The following FAM171A2 variants were observed in gnomAD, a reference collection of about 807,000 sequenced individuals.
FAM171A2 encodes the protein protein FAM171A2.
Under a neutral mutation model 34.2 loss-of-function variants are expected in FAM171A2, and 13 were observed. The ratio of observed to expected loss-of-function variants is 0.38; its 90% CI spans 0.25 to 0.60. FAM171A2 has a LOEUF of 0.60. FAM171A2 is among the 20% of genes least tolerant of loss of function. The probability of loss-of-function intolerance (pLI) is 0.62; values close to 1 mark genes in which losing one functional copy is unlikely to be tolerated. For synonymous variants in FAM171A2, 475 were observed against 561.2 expected (o/e 0.85, Z 2.17); for missense variants, 950 against 1,180.7 (o/e 0.80, Z 2.86).
Position 44,353,638 on chromosome 17 carries a change from T to C in FAM171A2, c.*95A>G. The C allele has an allele frequency of 4.1e-6, 4 of 985,190 alleles. No individual in the cohort carries two copies. The highest frequency in any genetic ancestry group is 4.0e-5 in the East Asian group (1 of 24,756). 61.0% of individuals were successfully genotyped at this position (985,190 alleles called of 1,614,324 possible). ...CCTGGGCCCCTCTCCGGCCTGGGGC[T>C]GGGAGCTACGCGCGAGGGCCCCCGC... On this transcript the variant is annotated 3_prime_UTR_variant, in exon 8 of 8. Transcript: ENST00000293443.
At position 44,354,163 on chromosome 17, in the gene FAM171A2, G is replaced by A; in HGVS notation, c.2051C>T (p.Ala684Val). 5 of 1,277,258 alleles carry A rather than the reference G, an allele frequency of 3.9e-6. No homozygotes were observed. Among genetic ancestry groups the A allele is most frequent in the Non-Finnish European group, 5.0e-6 (5 of 1,005,138 alleles). 79.1% of individuals were successfully genotyped at this position (1,277,258 alleles called of 1,614,324 possible). The change falls in exon 8 of 8, where the codon GCC (alanine) becomes GTC (valine). Residue 684 changes from alanine (A) to valine (V), a missense_variant. By Grantham distance (64) the Ala-to-Val change is moderately conservative. This residue lies in a region of FAM171A2 where 191 missense variants were observed against 222.8 expected (regional missense o/e 0.86). Transcript: ENST00000293443. This position sits in a 1 kb window ranked among gnomAD's most constrained non-coding sequence, Gnocchi z 5.8. ...GACATCTACGCCCGAGTCCAGGCTGGCGTCGGTGCTGCGTGCCCCGCCGCC... is the reference window on the plus strand; with the variant it reads ...GACATCTACGCCCGAGTCCAGGCTGACGTCGGTGCTGCGTGCCCCGCCGCC... ...QAGGGARSTD[A>V]SLDSGVDVHE...
Position 44,353,839 on chromosome 17 carries a change from C to G in FAM171A2, c.2375G>C (p.Ser792Thr). 7.1e-7 allele frequency: 1 copy of G among 1,404,672 alleles called. No homozygotes were observed. The highest frequency in any genetic ancestry group is 9.3e-7 in the Non-Finnish European group (1 of 1,078,874). 87.0% of individuals were successfully genotyped at this position (1,404,672 alleles called of 1,614,324 possible). A position where few individuals can be genotyped will look rare whatever the true frequency, so the allele number is the denominator to read the frequency against. Residue 792 changes from serine to threonine, a missense_variant, in exon 8 of 8, where the codon AGC becomes ACC. Physicochemically the swap from Ser to Thr is moderately conservative, Grantham distance 58 (BLOSUM62 1). This residue lies in a region of FAM171A2 where 191 missense variants were observed against 222.8 expected (regional missense o/e 0.86). Coordinates refer to ENST00000293443, the MANE Select transcript of FAM171A2 (RefSeq NM_198475.3). ...ASELRRDSLTSPEDELGAEVG... is the reference protein window; with the variant it reads ...ASELRRDSLTTPEDELGAEVG... ...CTCCGCCCCCAGCTCGTCCTCCGGG[C>G]TGGTGAGCGAGTCGCGCCGCAGCTC... is the stretch of plus-strand genomic sequence containing the variant.
intron 1 of FAM171A2, 73 bp downstream of exon 1, chr17:44,363,524 A>C: frequency 3.2e-6 from 2 of 632,572 alleles, no homozygotes; most frequent in Non-Finnish European, 4.5e-6. Flanking sequence ...CGCCGCGAAG[A>C]GGGGGCTGAC....
In FAM171A2 at chr17:44,359,939, G is replaced by C; in HGVS notation, c.312C>G (p.Thr104=). ...TGTCAACACGCCAGGGCACAGAGTT[G>C]GTGAGGAAGCCAGGGCGGGCAGCAG... ...LVTAARPGFL[T]NSVPWRVDKL... Residue 104 remains threonine, a synonymous_variant, in exon 2 of 8, where the codon ACC becomes ACG. Coordinates refer to ENST00000293443, the MANE Select transcript of FAM171A2 (RefSeq NM_198475.3). The C allele has an allele frequency of 6.5e-7, 1 of 1,549,668 alleles. No individual in the cohort carries two copies. The highest frequency in any genetic ancestry group is 2.0e-5 in the Admixed American group (1 of 50,940).
rs2048416481 is a variant in FAM171A2, at chr17:44,355,134, A to C, written c.1080T>G (p.Ser360=). 1.3e-6 allele frequency: 2 copies of C among 1,551,044 alleles called. No individual in the cohort carries two copies. Among genetic ancestry groups the C allele is most frequent in the Middle Eastern group, 1.7e-4 (1 of 5,990 alleles). ...TGGCCTGGTCTCGTTTGTTACCGTC[A>C]GAGGGCCCCGAGAGCTGCAGCTTGC... ...QHRKLQLSGP[S]DGNKRDQATS... Residue 360 remains serine (S), a synonymous_variant, in exon 8 of 8, where the codon TCT becomes TCG. Coordinates refer to ENST00000293443, the MANE Select transcript of FAM171A2 (RefSeq NM_198475.3). This position sits in a 1 kb window ranked among gnomAD's most constrained non-coding sequence, Gnocchi z 4.1.
At chr17:44,360,788 C>T (rs1379589968) in intron 1 of FAM171A2, among the ~76,000 whole-genome samples, 1 of 152,158 alleles carries the variant, frequency 6.6e-6, no homozygotes, top group Non-Finnish European at 1.5e-5. Context: ...ACAGGGGACA[C>T]TAGGAAACTG....
Position 44,354,863 on chromosome 17 carries a change from CG to C in FAM171A2, c.1350del (p.Gly451AlafsTer7). 1.6e-6 allele frequency: 2 copies of C among 1,282,800 alleles called. No individual in the cohort carries two copies. Among genetic ancestry groups the C allele is most frequent in the Non-Finnish European group, 2.0e-6 (2 of 1,017,818 alleles). 79.5% of individuals were successfully genotyped at this position (1,282,800 alleles called of 1,614,324 possible). A position where few individuals can be genotyped will look rare whatever the true frequency, so the allele number is the denominator to read the frequency against. On this transcript the variant is annotated frameshift_variant, in exon 8 of 8. Coordinates refer to ENST00000293443, the MANE Select transcript of FAM171A2 (RefSeq NM_198475.3). LOFTEE classifies it low-confidence loss of function (END_TRUNC). This position sits in a 1 kb window ranked among gnomAD's most constrained non-coding sequence, Gnocchi z 5.8. ...GLKGARSAEGPGGLEPGLEEH... is the reference protein window; with the variant it reads ...GLKGARSAEGXGGLEPGLEEH... ...TCCTCTAGGCCGGGCTCCAGCCCGC[CG>C]GGGCCCTCGGCCGAGCGAGCGCCCT...
chr17:44,355,602 C>T lies in FAM171A2; in HGVS notation c.1022+113G>A. 2.1e-6 allele frequency: 3 copies of T among 1,415,034 alleles called. No individual in the cohort carries two copies. Among genetic ancestry groups the T allele is most frequent in the Non-Finnish European group, 2.9e-6 (3 of 1,047,440 alleles). The allele number at this position is 1,415,034 out of a possible 1,614,324, so 87.7% of individuals were successfully genotyped here. A position where few individuals can be genotyped will look rare whatever the true frequency, so the allele number is the denominator to read the frequency against. Reference sequence around the variant, plus strand: ...AGCCCTTCAGGTCTTAGCATGTTTGCAGGAAGTCTTTTCCTGTCTGCCCCT... The same window carrying T: ...AGCCCTTCAGGTCTTAGCATGTTTGTAGGAAGTCTTTTCCTGTCTGCCCCT... On this transcript the variant is annotated intron_variant, in intron 7 of 7. Coordinates refer to ENST00000293443, the MANE Select transcript of FAM171A2 (RefSeq NM_198475.3). The surrounding 1 kb of genome is among the most constrained non-coding windows in gnomAD (Gnocchi z 4.1).
intron 3 of FAM171A2, chr17:44,359,063 T>C (rs1258490914): frequency 6.3e-6 from 1 of 157,906 alleles, no homozygotes; most frequent in African/African-American, 2.4e-5. Context: ...TCTTCCTACT[T>C]GTCTGTGAAC....
intron 1 of FAM171A2, among the ~76,000 whole-genome samples, chr17:44,361,949 T>C (rs564602751): frequency 2.6e-5 from 4 of 151,356 alleles, no homozygotes; most frequent in Admixed American, 6.6e-5. Context: ...AACAGCTGGA[T>C]AGAGCAGCTG....
rs541198974 is a variant in FAM171A2, at chr17:44,359,390, C to G, written c.439+189G>C. On this transcript the variant is annotated intron_variant, in intron 3 of 7. Coordinates refer to ENST00000293443, the MANE Select transcript of FAM171A2 (RefSeq NM_198475.3). Reference sequence around the variant, plus strand: ...ACACCTTCTGTACTGTGTTTTTTCACTTTGTGATTTCTTACTCCAATTTGA... The same window carrying G: ...ACACCTTCTGTACTGTGTTTTTTCAGTTTGTGATTTCTTACTCCAATTTGA... 49 of 606,128 alleles carry G rather than the reference C, an allele frequency of 8.1e-5. No individual in the cohort carries two copies. In the East Asian group the frequency reaches 1.3e-3, roughly 16 times the overall value. The allele number at this position is 606,128 out of a possible 1,614,324, so 37.5% of individuals were successfully genotyped here. A position where few individuals can be genotyped will look rare whatever the true frequency, so the allele number is the denominator to read the frequency against.
Position 44,355,182 on chromosome 17 carries a change from G to A in FAM171A2, c.1032C>T (p.Cys344=), listed in dbSNP as rs1199061611. ...CLLIYYCRRR[C]LKPRQQHRKL... ...TGCGGTGCTGTTGCCTCGGCTTCAG[G>A]CAGCGCCTCCTGGAAGGGAGGGAGC... Residue 344 remains cysteine (C), a synonymous_variant, in exon 8 of 8, where the codon TGC becomes TGT. Coordinates refer to ENST00000293443, the MANE Select transcript of FAM171A2 (RefSeq NM_198475.3). This position sits in a 1 kb window ranked among gnomAD's most constrained non-coding sequence, Gnocchi z 4.1. The A allele has an allele frequency of 2.6e-6, 4 of 1,550,660 alleles. No individual in the cohort carries two copies. The highest frequency in any genetic ancestry group is 2.6e-6 in the Non-Finnish European group (3 of 1,146,826).
intron 1 of FAM171A2, among the ~76,000 whole-genome samples, chr17:44,363,026 G>T (rs551019287): frequency 6.6e-6 from 1 of 152,118 alleles, no homozygotes; most frequent in Admixed American, 6.5e-5. Flanking sequence ...TCTAAACCAG[G>T]GGGGCTGGCT....
chr17:44,355,055 A>T lies in FAM171A2; in HGVS notation c.1159T>A (p.Ser387Thr). ...ICGGPLEPAP[S>T]GDPEAPPPGP... ...GGAGGCGGAGCCTCGGGGTCCCCCG[A>T]CGGGGCGGGTTCCAGGGGTCCCCCA... The change falls in exon 8 of 8, where the codon TCG (serine) becomes ACG (threonine). Residue 387 changes from serine to threonine, a missense_variant. Physicochemically the swap from Ser to Thr is moderately conservative, Grantham distance 58 (BLOSUM62 1). Transcript: ENST00000293443. This position sits in a 1 kb window ranked among gnomAD's most constrained non-coding sequence, Gnocchi z 4.1. The T allele has an allele frequency of 6.5e-7, 1 of 1,545,140 alleles. No individual in the cohort carries two copies. The highest frequency in any genetic ancestry group is 8.7e-7 in the Non-Finnish European group (1 of 1,144,692).
At position 44,355,576 on chromosome 17, in the gene FAM171A2, C is replaced by T; in HGVS notation, c.1022+139G>A. 7.9e-7 allele frequency: 1 copy of T among 1,268,310 alleles called. No homozygotes were observed. The highest frequency in any genetic ancestry group is 1.1e-6 in the Non-Finnish European group (1 of 929,148). The allele number at this position is 1,268,310 out of a possible 1,614,324, so 78.6% of individuals were successfully genotyped here. ...CCCCGCTGTCTTCAACCACCAGCAC[C>T]AGCCCTTCAGGTCTTAGCATGTTTG... On this transcript the variant is annotated intron_variant, in intron 7 of 7. Coordinates refer to ENST00000293443, the MANE Select transcript of FAM171A2 (RefSeq NM_198475.3). The surrounding 1 kb of genome is among the most constrained non-coding windows in gnomAD (Gnocchi z 4.1).
chr17:44,356,109 G>T (rs921291120), intron 5 of FAM171A2, 35 bp from the exon 6 acceptor site: 7 of 1,522,170 alleles, frequency 4.6e-6, no homozygotes, highest in Non-Finnish European at 6.2e-6. Context: ...CACTTGAGTC[G>T]CTCCCACTCA....
In FAM171A2 at chr17:44,354,430, T is replaced by C. The variant is rs2048409476; in HGVS notation, c.1784A>G (p.Glu595Gly). ...QMPGHSGPGG[E>G]GGGGGGEGWG... ...GCCCTCGCCGCCGCCCCCGCCGCCCTCGCCCCCCGGGCCCGAGTGGCCCGG... is the reference window on the plus strand; with the variant it reads ...GCCCTCGCCGCCGCCCCCGCCGCCCCCGCCCCCCGGGCCCGAGTGGCCCGG... Residue 595 changes from glutamate (E) to glycine (G), a missense_variant, in exon 8 of 8, where the codon GAG becomes GGG. Glu to Gly is a moderately conservative substitution (Grantham distance 98). Coordinates refer to ENST00000293443, the MANE Select transcript of FAM171A2 (RefSeq NM_198475.3). This position sits in a 1 kb window ranked among gnomAD's most constrained non-coding sequence, Gnocchi z 5.8. 8.8e-7 allele frequency: 1 copy of C among 1,131,602 alleles called. No individual in the cohort carries two copies. Among genetic ancestry groups the C allele is most frequent in the Admixed American group, 5.1e-5 (1 of 19,748 alleles). The allele number at this position is 1,131,602 out of a possible 1,614,324, so 70.1% of individuals were successfully genotyped here. A position where few individuals can be genotyped will look rare whatever the true frequency, so the allele number is the denominator to read the frequency against.
chr17:44,354,915 G>A lies in FAM171A2; in HGVS notation c.1299C>T (p.Ala433=). The A allele has an allele frequency of 7.1e-7, 1 of 1,407,934 alleles. No homozygotes were observed. The highest frequency in any genetic ancestry group is 3.4e-5 in the Admixed American group (1 of 29,054). The allele number at this position is 1,407,934 out of a possible 1,614,324, so 87.2% of individuals were successfully genotyped here. Residue 433 remains alanine (A), a synonymous_variant, in exon 8 of 8, where the codon GCC becomes GCT. Transcript: ENST00000293443. This position sits in a 1 kb window ranked among gnomAD's most constrained non-coding sequence, Gnocchi z 5.8. Reference sequence around the variant, plus strand: ...TGAGCCCGGCGCTCTCGCCCCCGCGGGCACCCGAAGGCTCGGCGGCCGGGC... The same window carrying A: ...TGAGCCCGGCGCTCTCGCCCCCGCGAGCACCCGAAGGCTCGGCGGCCGGGC... ...ASRPAAEPSG[A]RGGESAGLKG...
At chr17:44,359,467 G>A in intron 3 of FAM171A2, 112 bp downstream of exon 3, 1 of 838,844 alleles carries the variant, frequency 1.2e-6, no homozygotes, top group Non-Finnish European at 1.9e-6. Context: ...TTATGGCTCA[G>A]AGAGGTGAAG....
Sources: allele counts gnomAD v4.1 joint callset (sites outside exome capture counted in the v4.1 genomes callset), GRCh38; gene constraint gnomAD v4.1.1; regional missense constraint gnomAD v4.1.1; non-coding constraint Gnocchi (gnomAD v3.1); transcripts MANE v1.5; gene names NCBI Gene and HGNC (gene_info 2026-07-23, HGNC 2026-07-21).